PLXNA1: variants seen among roughly 807,000 people sequenced by gnomAD.
PLXNA1 encodes the protein plexin A1.
Under a neutral mutation model 191.7 loss-of-function variants are expected in PLXNA1, and 77 were observed. The observed-to-expected ratio is 0.40, with a 90% CI of 0.33 to 0.49. The LOEUF (loss-of-function observed/expected upper bound fraction) is 0.49. Among genes scored for constraint, PLXNA1 ranks in the 20% least tolerant of loss-of-function variants. The probability of loss-of-function intolerance (pLI) is 0.63; values close to 1 mark genes in which losing one functional copy is unlikely to be tolerated. For missense variants in PLXNA1, 2,110 were observed against 2,660.2 expected (o/e 0.79, Z 4.55); for synonymous variants, 1,137 against 1,156.4 (o/e 0.98, Z 0.34).
chr3:127,028,891 G>A (rs2079190675), intron 25 of PLXNA1, 102 bp from the exon 26 acceptor site: 2 of 803,464 alleles, frequency 2.5e-6, no homozygotes, highest in African/African-American at 1.7e-5. Flanking sequence ...GCCCTGTGCT[G>A]GTGCTGAGAG....
chr3:127,029,687 C>A, intron 27 of PLXNA1, 151 bp downstream of exon 27: 1 of 1,072,632 alleles, frequency 9.3e-7, no homozygotes, highest in Non-Finnish European at 1.4e-6. Flanking sequence ...TACCCTCCAG[C>A]TCTGGAGGCT....
Position 127,005,164 on chromosome 3 carries a change from T to C in PLXNA1, c.1818T>C (p.Ser606=). ...VNCSFEDFTE[S]ESVLEDGRIH... The stretch of plus-strand genomic sequence containing the variant: ...GCTCCTTCGAGGACTTCACGGAATC[T>C]GAGAGCGTCCTGGAGGATGGCCGGA... The change falls in exon 7 of 32, where the codon TCT becomes TCC. Residue 606 remains serine (S), a synonymous_variant. Coordinates refer to ENST00000393409, the MANE Select transcript of PLXNA1 (RefSeq NM_032242.4). 1.9e-6 allele frequency: 3 copies of C among 1,612,650 alleles called. No individual in the cohort carries two copies. Among genetic ancestry groups the C allele is most frequent in the Non-Finnish European group, 2.5e-6 (3 of 1,179,908 alleles).
chr3:127,027,540 G>A (rs1456535599), intron 23 of PLXNA1: 1 of 398,544 alleles, frequency 2.5e-6, no homozygotes, highest in African/African-American at 2.1e-5. Context: ...TTTGTCCTGA[G>A]CACCTCCAGC....
At chr3:126,990,704 C>T (rs757946173) in intron 2 of PLXNA1, among the ~76,000 whole-genome samples, 13 of 152,226 alleles carry the variant, frequency 8.5e-5, no homozygotes, top group Non-Finnish European at 1.5e-4. Flanking sequence ...AAGGGCCCCT[C>T]AGTCCTTCCG....
Position 127,017,599 on chromosome 3 carries a change from G to C in PLXNA1, c.3451G>C (p.Val1151Leu), listed in dbSNP as rs1295967243. 1 of 1,613,542 alleles carries C rather than the reference G, an allele frequency of 6.2e-7. No homozygotes were observed. Among genetic ancestry groups the C allele is most frequent in the Non-Finnish European group, 8.5e-7 (1 of 1,179,998 alleles). Residue 1151 changes from valine to leucine, a missense_variant, in exon 18 of 32, where the codon GTA (valine) becomes CTA (leucine). By Grantham distance (32) the Val-to-Leu change is conservative (BLOSUM62 1). Coordinates refer to ENST00000393409, the MANE Select transcript of PLXNA1 (RefSeq NM_032242.4). ...STSFLYYPDP[V>L]LEPLSPTGLL... ...CTCCTTCCTCTACTACCCTGACCCC[G>C]TACTGGAGCCACTCAGCCCCACTGG...
At chr3:127,014,930 C>G in intron 14 of PLXNA1, 99 bp downstream of exon 14, 2 of 1,505,280 alleles carry the variant, frequency 1.3e-6, no homozygotes, top group East Asian at 2.4e-5. Flanking sequence ...TCTGGCCATG[C>G]TCTGCCACTG....
Position 127,029,933 on chromosome 3 carries a change from A to G in PLXNA1, c.4930A>G (p.Thr1644Ala), listed in dbSNP as rs757120373. Residue 1644 changes from threonine (T) to alanine (A), a missense_variant, in exon 28 of 32, where the codon ACG (threonine) becomes GCG (alanine). Physicochemically the swap from Thr to Ala is moderately conservative, Grantham distance 58. This residue lies in a region of PLXNA1 where 559 missense variants were observed against 911.5 expected (regional missense o/e 0.61). Coordinates refer to ENST00000393409, the MANE Select transcript of PLXNA1 (RefSeq NM_032242.4). ...CCTGCGCTCGCGCACGCCCATGATC[A>G]CGCCCGACCTGGAGAGCGGCACCAA... ...DSLRSRTPMI[T>A]PDLESGTKLW... 1 of 1,613,488 alleles carries G rather than the reference A, an allele frequency of 6.2e-7. No individual in the cohort carries two copies. The highest frequency in any genetic ancestry group is 1.7e-5 in the Admixed American group (1 of 60,028).
At chr3:127,005,354 C>A in intron 7 of PLXNA1, 111 bp downstream of exon 7, 1 of 1,330,428 alleles carries the variant, frequency 7.5e-7, no homozygotes, top group Non-Finnish European at 1.0e-6. Flanking sequence ...ATGTTGGTGA[C>A]ACTCTGACAG....
chr3:126,989,675 C>T lies in PLXNA1; in HGVS notation c.1082C>T (p.Thr361Met), dbSNP rs767221711. The T allele has an allele frequency of 1.3e-5, 21 of 1,613,148 alleles. No homozygotes were observed. Among genetic ancestry groups the T allele is most frequent in the Non-Finnish European group, 1.7e-5 (20 of 1,180,026 alleles). The change falls in exon 2 of 32, where the codon ACG becomes ATG. Residue 361 changes from threonine (T) to methionine (M), a missense_variant. By Grantham distance (81) the Thr-to-Met change is moderately conservative (BLOSUM62 -1). Around this residue, in one of 4 missense-constraint regions of PLXNA1, gnomAD observed 903 missense variants for 1,015.7 expected, o/e 0.89. Coordinates refer to ENST00000393409, the MANE Select transcript of PLXNA1 (RefSeq NM_032242.4). Reference sequence around the variant, plus strand: ...AAGGAGTCAGCACTGTGCCTGTTCACGCTCAGGGCCATCAAGGAGAAGATT... The same window carrying T: ...AAGGAGTCAGCACTGTGCCTGTTCATGCTCAGGGCCATCAAGGAGAAGATT... The part of the protein sequence containing the change: ...PPKESALCLF[T>M]LRAIKEKIKE...
chr3:126,991,318 C>G lies in PLXNA1; in HGVS notation c.1195-66C>G, dbSNP rs112221586. The G allele has an allele frequency of 7.1e-4, 1,118 of 1,574,436 alleles. 6 individuals carry two copies. In the African/African-American group the frequency reaches 0.012, roughly 17 times the overall value. On this transcript the variant is annotated intron_variant, in intron 2 of 31. Coordinates refer to ENST00000393409, the MANE Select transcript of PLXNA1 (RefSeq NM_032242.4). ...AGACAACTGCACTCCCAGCCCTGCCCAGGGAGGCCCAGTCCTCCGGGAGAA... is the reference window on the plus strand; with the variant it reads ...AGACAACTGCACTCCCAGCCCTGCCGAGGGAGGCCCAGTCCTCCGGGAGAA...
At chr3:126,991,716 G>A (rs2078991816) in intron 3 of PLXNA1, 150 bp downstream of exon 3, 4 of 894,858 alleles carry the variant, frequency 4.5e-6, no homozygotes, top group Non-Finnish European at 6.4e-6. Context: ...CCTACACTAG[G>A]CCCAGTGACC....
Position 127,007,910 on chromosome 3 carries a change from T to C in PLXNA1, c.2109T>C (p.Ser703=), listed in dbSNP as rs1270380393. ...CAFLEGRVNV[S]EDCPQILPST... ...TCCTGGAGGGCCGTGTCAACGTGTCTGAGGTAAGGCCGGGCAAGGGTGAGG... is the reference window on the plus strand; with the variant it reads ...TCCTGGAGGGCCGTGTCAACGTGTCCGAGGTAAGGCCGGGCAAGGGTGAGG... Residue 703 remains serine (S), a synonymous_variant, in exon 9 of 32, where the codon TCT becomes TCC. Coordinates refer to ENST00000393409, the MANE Select transcript of PLXNA1 (RefSeq NM_032242.4). 6.2e-7 allele frequency: 1 copy of C among 1,607,056 alleles called. No homozygotes were observed. Among genetic ancestry groups the C allele is most frequent in the South Asian group, 1.1e-5 (1 of 90,376 alleles).
At chr3:127,023,852 G>C (rs920013047) in intron 23 of PLXNA1, among the ~76,000 whole-genome samples, 2 of 152,164 alleles carry the variant, frequency 1.3e-5, no homozygotes, top group Non-Finnish European at 1.5e-5. Context: ...CAGGCGGGGG[G>C]AGGGAAGAGA....
At position 127,036,529 on chromosome 3, in the gene PLXNA1, G is replaced by A. The variant is rs1038681454; in HGVS notation, c.*2512G>A. On this transcript the variant is annotated 3_prime_UTR_variant, in exon 32 of 32. Transcript: ENST00000393409. ...AGCCGACTACCTGTGCTGTCTACTGGGACAGCAGTCTCCGAGCTACTCCGT... is the reference window on the plus strand; with the variant it reads ...AGCCGACTACCTGTGCTGTCTACTGAGACAGCAGTCTCCGAGCTACTCCGT... 6.6e-6 allele frequency: 1 copy of A among 152,458 alleles called. No homozygotes were observed. The highest frequency in any genetic ancestry group is 1.5e-5 in the Non-Finnish European group (1 of 68,070). 9.4% of individuals were successfully genotyped at this position (152,458 alleles called of 1,614,324 possible).
chr3:127,022,564 C>T (rs1413115979), intron 22 of PLXNA1, among the ~76,000 whole-genome samples, 188 bp from the exon 23 acceptor site: 1 of 150,838 alleles, frequency 6.6e-6, no homozygotes, highest in East Asian at 2.0e-4. Context: ...GGGCGAAGGA[C>T]TGGGGTCTCC....
In PLXNA1 at chr3:127,016,693, C is replaced by T. The variant is rs368228549; in HGVS notation, c.3182+9C>T. ...GAGTGGAGCATCAACAGGTGGGGCCCAGCAACACCCATTCCCTATCCCCAG... is the reference window on the plus strand; with the variant it reads ...GAGTGGAGCATCAACAGGTGGGGCCTAGCAACACCCATTCCCTATCCCCAG... On this transcript the variant is annotated intron_variant, in intron 16 of 31. Transcript: ENST00000393409. 3.1e-6 allele frequency: 5 copies of T among 1,613,582 alleles called. No homozygotes were observed. The African/African-American group carries it at 6.7e-5, about 22-fold the overall frequency.
chr3:127,000,436 C>T lies in PLXNA1; in HGVS notation c.1378-2894C>T, dbSNP rs540722308. Among the ~76,000 whole-genome samples, 80 of 152,282 alleles carry T rather than the reference C, an allele frequency of 5.3e-4. 1 individual carries two copies. Among genetic ancestry groups the T allele is most frequent in the African/African-American group, 1.9e-3 (78 of 41,564 alleles). Reference sequence around the variant, plus strand: ...GTGTGGGCGTCGGCACGTGGGCTCCCGGCCGGCGTGTGCCCTTCTGTCCTG... The same window carrying T: ...GTGTGGGCGTCGGCACGTGGGCTCCTGGCCGGCGTGTGCCCTTCTGTCCTG... On this transcript the variant is annotated intron_variant, in intron 3 of 31. Coordinates refer to ENST00000393409, the MANE Select transcript of PLXNA1 (RefSeq NM_032242.4).
intron 29 of PLXNA1, 136 bp downstream of exon 29, chr3:127,030,548 C>T (rs1254908687): frequency 2.2e-5 from 23 of 1,066,868 alleles, no homozygotes; most frequent in African/African-American, 6.3e-5. Context: ...AGGGGCATGG[C>T]GGGCCAGTCC....
chr3:126,984,294 G>T (rs1354296468), intron 1 of PLXNA1, among the ~76,000 whole-genome samples: 1 of 152,232 alleles, frequency 6.6e-6, no homozygotes, highest in Non-Finnish European at 1.5e-5. Context: ...AAAGAAAGGG[G>T]TGTGTGTGCC....
Sources: gnomAD v4.1 joint callset for allele counts (sites outside exome capture counted in the v4.1 genomes callset) on GRCh38, gnomAD v4.1.1 for gene constraint, gnomAD v4.1.1 regional missense constraint, MANE v1.5 for transcripts, NCBI Gene and HGNC (gene_info 2026-07-23, HGNC 2026-07-21) for gene names.